SCML4: variants seen among roughly 807,000 people sequenced by gnomAD.
The protein encoded by SCML4 is Scm polycomb group protein like 4.
In SCML4, 34 loss-of-function variants were observed where a neutral mutation model predicts 41.1. The observed-to-expected ratio is 0.83, with a 90% confidence interval of 0.63 to 1.10. The LOEUF is 1.10. Ranked by LOEUF, SCML4 falls within the 50% of genes least tolerant of loss-of-function variation. The probability of loss-of-function intolerance (pLI) is 0.00; values close to 1 mark genes in which losing one functional copy is unlikely to be tolerated. For missense variants in SCML4, 522 were observed against 534.1 expected (o/e 0.98, Z 0.22); for synonymous variants, 214 against 220.9 (o/e 0.97, Z 0.28).
At chr6:107,746,975 G>T in intron 3 of SCML4, 86 bp from the exon 4 acceptor site, 3 of 1,144,978 alleles carry the variant, frequency 2.6e-6, no homozygotes, top group Non-Finnish European at 3.7e-6. Context: ...GGATGCCTCA[G>T]CCATGCCCCT....
At chr6:107,720,211 C>A in intron 6 of SCML4, 2 of 756,312 alleles carry the variant, frequency 2.6e-6, no homozygotes, top group Non-Finnish European at 3.2e-6. Context: ...GCAAAATGAC[C>A]AGCTTTTGCC....
rs1773324708 is a variant in SCML4, at chr6:107,703,315, A to T, written c.*1885T>A. Among the ~76,000 whole-genome samples the T allele has an allele frequency of 6.6e-6, 1 of 152,026 alleles. No individual in the cohort carries two copies. The highest frequency in any genetic ancestry group is 6.5e-5 in the Admixed American group (1 of 15,272). The stretch of plus-strand genomic sequence containing the variant: ...GCCCTCTCTTGGGGTCTGGATCGGG[A>T]CCCCCTTCCTGTAACAAAATCACCA... On this transcript the variant is annotated 3_prime_UTR_variant, in exon 8 of 8. Coordinates refer to ENST00000369020, the MANE Select transcript of SCML4 (RefSeq NM_198081.5).
chr6:107,715,990 G>T (rs1774745778), intron 6 of SCML4, among the ~76,000 whole-genome samples: 1 of 151,636 alleles, frequency 6.6e-6, no homozygotes, highest in Non-Finnish European at 1.5e-5. Context: ...CAGTCATTTG[G>T]GTGGGAGGGT....
chr6:107,795,122 C>T (rs1424953860), intron 1 of SCML4, among the ~76,000 whole-genome samples: 1 of 152,194 alleles, frequency 6.6e-6, no homozygotes, highest in Non-Finnish European at 1.5e-5. Context: ...CTATTCAACC[C>T]TGTACAAATA....
At chr6:107,799,263 A>C (rs1025702502) in intron 1 of SCML4, among the ~76,000 whole-genome samples, 3 of 152,208 alleles carry the variant, frequency 2.0e-5, no homozygotes, top group African/African-American at 7.2e-5. Flanking sequence ...CAAATACATT[A>C]AGAGTTTCAT....
intron 1 of SCML4, among the ~76,000 whole-genome samples, chr6:107,777,992 A>C (rs1345093186): frequency 6.6e-6 from 1 of 151,712 alleles, no homozygotes; most frequent in African/African-American, 2.4e-5. Flanking sequence ...AGGCAGGTGG[A>C]TCACTTGAGG....
chr6:107,829,387 CA>C, the SCML4 span, among the ~76,000 whole-genome samples: 53 of 130,148 alleles, frequency 4.1e-4, no homozygotes, highest in Admixed American at 6.9e-4. Flanking sequence ...GATCCTGCCT[CA>C]AAAAAAAAAA....
At chr6:107,771,949 T>C (rs1033055702) in intron 2 of SCML4, among the ~76,000 whole-genome samples, 1 of 152,188 alleles carries the variant, frequency 6.6e-6, no homozygotes, top group Non-Finnish European at 1.5e-5. Flanking sequence ...CCATCTGGTG[T>C]AATTTGCTTT....
chr6:107,801,806 C>A (rs988789454), intron 1 of SCML4, among the ~76,000 whole-genome samples: 8 of 151,936 alleles, frequency 5.3e-5, no homozygotes, highest in African/African-American at 1.9e-4. Context: ...TGAGACCGAG[C>A]CTTGCTCTGT....
chr6:107,756,532 G>A (rs560484099), intron 2 of SCML4, among the ~76,000 whole-genome samples: 13 of 152,224 alleles, frequency 8.5e-5, no homozygotes, highest in African/African-American at 3.1e-4. Flanking sequence ...ACAACTAAAT[G>A]TTATGTAGTA....
intron 1 of SCML4, among the ~76,000 whole-genome samples, chr6:107,804,765 C>T (rs1583635032): frequency 6.6e-6 from 1 of 152,252 alleles, no homozygotes; most frequent in South Asian, 2.1e-4. Context: ...TTGCTTGAGC[C>T]TAGGAGTTTG....
rs182598060 is a variant in SCML4 at position 107,746,412 on chromosome 6, A to G, written c.487+277T>C. On this transcript the variant is annotated intron_variant, in intron 4 of 7. Transcript: ENST00000369020. Reference sequence around the variant, plus strand: ...ATTCTGGATATATTTTGAAGTGGAGAAAAAAAAGCAAAAACCGGTGAGTTG... The same window carrying G: ...ATTCTGGATATATTTTGAAGTGGAGGAAAAAAAGCAAAAACCGGTGAGTTG... 60 of 416,710 alleles carry G rather than the reference A, an allele frequency of 1.4e-4. No individual in the cohort carries two copies. In the East Asian group the frequency reaches 2.3e-3, roughly 16 times the overall value. 25.8% of individuals were successfully genotyped at this position (416,710 alleles called of 1,614,324 possible).
At chr6:107,778,264 T>TATATAA (rs1436310950) in intron 1 of SCML4, among the ~76,000 whole-genome samples, 2 of 123,602 alleles carry the variant, frequency 1.6e-5, no homozygotes, top group African/African-American at 3.4e-5. Flanking sequence ...TATATATATA[T>TATATAA]AACTTGAGAA....
At chr6:107,782,304 G>A (rs1781565432) in intron 1 of SCML4, among the ~76,000 whole-genome samples, 1 of 152,188 alleles carries the variant, frequency 6.6e-6, no homozygotes, top group Admixed American at 6.5e-5. Context: ...CACAGGAAGA[G>A]GAGGAAAGAC....
At chr6:107,797,661 A>T (rs1039953221) in intron 1 of SCML4, among the ~76,000 whole-genome samples, 83 of 152,126 alleles carry the variant, frequency 5.5e-4, no homozygotes, top group Non-Finnish European at 1.2e-4. Context: ...GAAATCCAGG[A>T]TAATGCTGCA....
chr6:107,797,003 G>A lies in SCML4; in HGVS notation c.-59-24617C>T, dbSNP rs145036149. ...GAACCTCATGAATCTATTTCTGAAC[G>A]CTTGATTCTGTTTTATTGATGTTTT... On this transcript the variant is annotated intron_variant, in intron 1 of 7. Transcript: ENST00000369020. 3.2e-3 allele frequency among the ~76,000 whole-genome samples: 489 copies of A among 152,122 alleles called. 2 individuals are homozygous for A. Among genetic ancestry groups the A allele is most frequent in the African/African-American group, 0.011 (468 of 41,530 alleles).
At chr6:107,717,143 C>CAAAAAAAAAAA (rs546258538) in intron 6 of SCML4, among the ~76,000 whole-genome samples, 4 of 63,536 alleles carry the variant, frequency 6.3e-5, no homozygotes, top group South Asian at 6.8e-4. Flanking sequence ...ACTAAAAATA[C>CAAAAAAAAAAA]AAAAAAAAAA....
chr6:107,815,674 G>A (rs549221800), intron 1 of SCML4, among the ~76,000 whole-genome samples: 7 of 152,232 alleles, frequency 4.6e-5, no homozygotes, highest in Non-Finnish European at 8.8e-5. Context: ...GCCCAGAGGC[G>A]GGTGCCTGCG....
intron 1 of SCML4, among the ~76,000 whole-genome samples, chr6:107,793,835 C>T (rs1352678523): frequency 6.6e-6 from 1 of 152,232 alleles, no homozygotes; most frequent in East Asian, 1.9e-4. Flanking sequence ...GTACCAGCTA[C>T]TCAGGAGGCT....
Sources: allele counts gnomAD v4.1 joint callset (sites outside exome capture counted in the v4.1 genomes callset), GRCh38; gene constraint gnomAD v4.1.1; transcripts MANE v1.5; gene names NCBI Gene and HGNC (gene_info 2026-07-23, HGNC 2026-07-21).